Variants in PCTP observed in about 807,000 individuals in gnomAD.
PCTP encodes the protein phosphatidylcholine transfer protein.
PCTP carries 27 observed loss-of-function variants against 31.0 expected under a neutral mutation model. The ratio of observed to expected loss-of-function variants is 0.87; its 90% CI spans 0.64 to 1.20. PCTP has a LOEUF of 1.20. Ranked by LOEUF, PCTP falls within the 50% of genes most tolerant of loss-of-function variation. The probability of loss-of-function intolerance (pLI) is 0.00; values close to 1 mark genes in which losing one functional copy is unlikely to be tolerated. For synonymous variants in PCTP, 108 were observed against 101.2 expected (o/e 1.07, Z -0.40); for missense variants, 287 against 268.2 (o/e 1.07, Z -0.49).
intron 3 of PCTP, among the ~76,000 whole-genome samples, chr17:55,819,010 CAAAAAAAAAAAAAAAAAAAA>C (rs56823756): frequency 3.9e-5 from 2 of 51,110 alleles, no homozygotes; most frequent in East Asian, 1.8e-3. Flanking sequence ...GGAAAGAAAT[CAAAAAAAAAAAAAAAAAAAA>C]AAAAAAAGAA....
chr17:55,847,915 T>TTTTGTC, the PCTP span, among the ~76,000 whole-genome samples: 1 of 152,036 alleles, frequency 6.6e-6, no homozygotes, highest in African/African-American at 2.4e-5. Flanking sequence ...TGTTTTTTGT[T>TTTTGTC]TTTGTTTTTG....
intron 3 of PCTP, among the ~76,000 whole-genome samples, chr17:55,797,385 G>T (rs968710359): frequency 1.3e-5 from 2 of 151,962 alleles, no homozygotes; most frequent in Non-Finnish European, 2.9e-5. Flanking sequence ...AGGCAAAAAA[G>T]CCAAGAGAAA....
chr17:55,775,625 T>G, intron 5 of PCTP: 2 of 1,193,974 alleles, frequency 1.7e-6, no homozygotes, highest in Non-Finnish European at 2.1e-6. Context: ...TGCTCAACAT[T>G]AACTAAATAA....
intron 1 of PCTP, among the ~76,000 whole-genome samples, chr17:55,763,396 A>G (rs905614140): frequency 2.6e-5 from 4 of 152,174 alleles, no homozygotes; most frequent in Non-Finnish European, 5.9e-5. Flanking sequence ...GAGCCTTAAA[A>G]TGTTAATCTA....
intron 3 of PCTP, among the ~76,000 whole-genome samples, chr17:55,793,632 C>G (rs1359253194): frequency 6.6e-6 from 1 of 152,014 alleles, no homozygotes. Context: ...TATTGTAGCC[C>G]TAGAGCTTAG....
downstream of PCTP, among the ~76,000 whole-genome samples, chr17:55,780,586 T>C (rs895869155): frequency 6.6e-6 from 1 of 152,226 alleles, no homozygotes; most frequent in Non-Finnish European, 1.5e-5. Flanking sequence ...CTGCCCCACA[T>C]TCATGTAGTC....
At chr17:55,833,298 G>A (rs11649803) in intron 5 of PCTP, among the ~76,000 whole-genome samples, 16,956 of 152,236 alleles carry the variant, frequency 0.11, 1,206 homozygotes, top group East Asian at 0.35. Flanking sequence ...TTGGAATCCA[G>A]CATCTTTTCT....
chr17:55,792,595 G>C (rs1912038520), intron 3 of PCTP, among the ~76,000 whole-genome samples: 1 of 152,090 alleles, frequency 6.6e-6, no homozygotes, highest in African/African-American at 2.4e-5. Context: ...CAGTCAGCAG[G>C]TACTTCTTAG....
Position 55,751,230 on chromosome 17 carries a change from C to A in PCTP, c.127C>A (p.Arg43=), listed in dbSNP as rs1339617646. The change falls in exon 1 of 6, where the codon CGG becomes AGG. Residue 43 remains arginine (R), a synonymous_variant. Coordinates refer to ENST00000268896, the MANE Select transcript of PCTP (RefSeq NM_021213.4). The part of the protein sequence containing the change: ...LVETSGISIY[R]LLDKKTGLYE... ...GGAGACCTCGGGCATCAGCATCTACCGGCTGCTGGACAAGGTAGCGGCCAA... is the reference window on the plus strand; with the variant it reads ...GGAGACCTCGGGCATCAGCATCTACAGGCTGCTGGACAAGGTAGCGGCCAA... 4.5e-6 allele frequency: 7 copies of A among 1,540,940 alleles called. No homozygotes were observed. Among genetic ancestry groups the A allele is most frequent in the Non-Finnish European group, 6.1e-6 (7 of 1,142,654 alleles).
At chr17:55,757,799 C>T (rs1170775952) in intron 1 of PCTP, among the ~76,000 whole-genome samples, 3 of 152,120 alleles carry the variant, frequency 2.0e-5, no homozygotes, top group Admixed American at 2.0e-4. Flanking sequence ...GCAGTTCTGA[C>T]ATTGAGAGCT....
chr17:55,772,312 C>T (rs1015595543), intron 3 of PCTP, among the ~76,000 whole-genome samples: 6 of 152,050 alleles, frequency 3.9e-5, no homozygotes, highest in African/African-American at 1.2e-4. Context: ...TGGGACTGAA[C>T]GCGGGTGGCT....
At chr17:55,767,582 A>G (rs1910741353) in intron 2 of PCTP, 130 bp downstream of exon 2, 1 of 530,466 alleles carries the variant, frequency 1.9e-6, no homozygotes, top group Non-Finnish European at 3.3e-6. Context: ...CTCCTGCCTC[A>G]GCCTCCTGAG....
At chr17:55,842,879 A>C (rs1427930469), downstream of PCTP, 4 of 152,222 alleles carry the variant, frequency 2.6e-5, no homozygotes, top group Admixed American at 2.6e-4. Flanking sequence ...CTAACTGCAA[A>C]GAGAGAAGAC....
At chr17:55,751,825 G>A (rs1026291276) in intron 1 of PCTP, among the ~76,000 whole-genome samples, 14 of 152,194 alleles carry the variant, frequency 9.2e-5, no homozygotes, top group African/African-American at 3.4e-4. Flanking sequence ...GATGTAGGAG[G>A]AATGGGATTG....
At chr17:55,792,133 A>G (rs1237382786) in intron 3 of PCTP, among the ~76,000 whole-genome samples, 2 of 126,386 alleles carry the variant, frequency 1.6e-5, no homozygotes, top group East Asian at 2.4e-4. Context: ...AGGAAGGGGA[A>G]CCTCACACTC....
intron 3 of PCTP, among the ~76,000 whole-genome samples, chr17:55,814,658 G>A (rs919038177): frequency 1.3e-5 from 2 of 152,234 alleles, no homozygotes; most frequent in Admixed American, 6.5e-5. Context: ...GCAGCTTCCC[G>A]AAGCCAATGC....
the PCTP span, among the ~76,000 whole-genome samples, chr17:55,847,955 C>T: frequency 6.6e-6 from 1 of 152,032 alleles, no homozygotes. Context: ...CAGAGCCTCA[C>T]TCTGTCTCCC....
chr17:55,832,532 C>T (rs111270922), intron 5 of PCTP, among the ~76,000 whole-genome samples: 10 of 152,186 alleles, frequency 6.6e-5, no homozygotes, highest in African/African-American at 2.2e-4. Flanking sequence ...TCTTTGCTTG[C>T]AGTTCTTACA....
chr17:55,816,409 C>G (rs942766912), intron 3 of PCTP, among the ~76,000 whole-genome samples: 4 of 152,186 alleles, frequency 2.6e-5, no homozygotes, highest in African/African-American at 9.7e-5. Flanking sequence ...TCTACAGAGC[C>G]TGGCCAAAAA....
Sources: allele counts gnomAD v4.1 joint callset (sites outside exome capture counted in the v4.1 genomes callset), GRCh38; gene constraint gnomAD v4.1.1; transcripts MANE v1.5; gene names NCBI Gene and HGNC (gene_info 2026-07-23, HGNC 2026-07-21).